Variants in WNT3A observed in about 807,000 individuals in gnomAD.
WNT3A encodes Wnt family member 3A, also known as protein Wnt-3a.
WNT3A carries 17 observed loss-of-function variants against 37.0 expected under a neutral mutation model. That is an observed-to-expected ratio of 0.46 (90% confidence interval 0.31 to 0.69). The LOEUF (loss-of-function observed/expected upper bound fraction) is 0.69, where lower values mean the gene tolerates loss of function less well. Ranked by LOEUF, WNT3A falls within the 30% of genes least tolerant of loss-of-function variation. The pLI, the probability that WNT3A is intolerant of heterozygous loss-of-function variation, is 0.05. For missense variants in WNT3A, 411 were observed against 510.2 expected (o/e 0.81, Z 1.87); for synonymous variants, 187 against 211.0 (o/e 0.89, Z 0.99).
In WNT3A at chr1:228,060,277, C is replaced by T; in HGVS notation, c.*812C>T. On this transcript the variant is annotated 3_prime_UTR_variant, in exon 4 of 4. Coordinates refer to ENST00000284523, the MANE Select transcript of WNT3A (RefSeq NM_033131.4). ...AACCCCCTGTAAGGTTCCATCCACCCCTGCGTCGAGCTGGGAAGGTTCCAT... is the reference window on the plus strand; with the variant it reads ...AACCCCCTGTAAGGTTCCATCCACCTCTGCGTCGAGCTGGGAAGGTTCCAT... The T allele has an allele frequency of 1.5e-6, 2 of 1,351,688 alleles. No individual in the cohort carries two copies. Among genetic ancestry groups the T allele is most frequent in the South Asian group, 1.1e-5 (1 of 88,050 alleles). 83.7% of individuals were successfully genotyped at this position (1,351,688 alleles called of 1,614,324 possible).
intron 1 of WNT3A, among the ~76,000 whole-genome samples, chr1:228,016,022 C>T (rs76677928): frequency 0.08 from 12,193 of 152,194 alleles, 575 homozygotes; most frequent in South Asian, 0.12. Flanking sequence ...CTGTGCCCGT[C>T]ACCTTCTGGG....
chr1:228,055,190 A>ATATG (rs2031658517), intron 3 of WNT3A, among the ~76,000 whole-genome samples: 1 of 49,592 alleles, frequency 2.0e-5, no homozygotes, highest in Non-Finnish European at 4.1e-5. Context: ...ATATATATAT[A>ATATG]TATATATATA....
At chr1:228,018,481 C>T (rs140946069) in intron 1 of WNT3A, among the ~76,000 whole-genome samples, 29 of 151,994 alleles carry the variant, frequency 1.9e-4, no homozygotes, top group Non-Finnish European at 3.4e-4. Context: ...TGGCCTTGTC[C>T]TCCTGGGCTC....
chr1:228,013,303 C>A (rs1361129066), intron 1 of WNT3A, among the ~76,000 whole-genome samples: 1 of 152,210 alleles, frequency 6.6e-6, no homozygotes, highest in Non-Finnish European at 1.5e-5. Context: ...CCACCCCTCA[C>A]TGGTTACAGC....
rs1314877562 is a variant in WNT3A, at chr1:228,031,577, G to A, written c.313+8669G>A. ...TGTCATGTGTGCACATGCATGTGGT[G>A]TGTGGGGTGTGTGCCTGTGCATGTG... On this transcript the variant is annotated intron_variant, in intron 2 of 3. Coordinates refer to ENST00000284523, the MANE Select transcript of WNT3A (RefSeq NM_033131.4). The surrounding 1 kb of genome is among the most constrained non-coding windows in gnomAD (Gnocchi z 4.8). Among the ~76,000 whole-genome samples, 1 of 152,146 alleles carries A rather than the reference G, an allele frequency of 6.6e-6. No homozygotes were observed. The highest frequency in any genetic ancestry group is 1.5e-5 in the Non-Finnish European group (1 of 68,016).
At chr1:228,035,972 C>T (rs926422430) in intron 2 of WNT3A, among the ~76,000 whole-genome samples, 3 of 152,230 alleles carry the variant, frequency 2.0e-5, no homozygotes, top group Non-Finnish European at 4.4e-5. Context: ...GCTCCTCCCT[C>T]CTGCCTGCCA....
chr1:228,038,047 C>G lies in WNT3A; in HGVS notation c.314-12609C>G, dbSNP rs1414646819. On this transcript the variant is annotated intron_variant, in intron 2 of 3. Coordinates refer to ENST00000284523, the MANE Select transcript of WNT3A (RefSeq NM_033131.4). The surrounding 1 kb of genome is among the most constrained non-coding windows in gnomAD (Gnocchi z 5.7). ...GCGCACAAAGCCGGATTCAAGCGCC[C>G]CAGCGGGTCAGCACGGCGCCCGGCC... Among the ~76,000 whole-genome samples the G allele has an allele frequency of 6.6e-6, 1 of 152,046 alleles. No homozygotes were observed. Among genetic ancestry groups the G allele is most frequent in the African/African-American group, 2.4e-5 (1 of 41,430 alleles).
intron 2 of WNT3A, among the ~76,000 whole-genome samples, chr1:228,028,241 T>C: frequency 6.6e-6 from 1 of 152,050 alleles, no homozygotes. Context: ...GTATAATTTG[T>C]TTTTGCTTAG....
Position 228,031,528 on chromosome 1 carries a change from C to T in WNT3A, c.313+8620C>T, listed in dbSNP as rs1025471979. The stretch of plus-strand genomic sequence containing the variant: ...TGCATTGTGTGTATGTGAGTGTGCA[C>T]GTGTGTGGGAATGTGGTGTGATGTG... On this transcript the variant is annotated intron_variant, in intron 2 of 3. Transcript: ENST00000284523. This position sits in a 1 kb window ranked among gnomAD's most constrained non-coding sequence, Gnocchi z 4.8. Among the ~76,000 whole-genome samples, 5 of 151,804 alleles carry T rather than the reference C, an allele frequency of 3.3e-5. No individual in the cohort carries two copies. The highest frequency in any genetic ancestry group is 9.7e-5 in the African/African-American group (4 of 41,290).
Position 228,037,215 on chromosome 1 carries a change from C to T in WNT3A, c.314-13441C>T, listed in dbSNP as rs1306718460. On this transcript the variant is annotated intron_variant, in intron 2 of 3. Coordinates refer to ENST00000284523, the MANE Select transcript of WNT3A (RefSeq NM_033131.4). The surrounding 1 kb of genome is among the most constrained non-coding windows in gnomAD (Gnocchi z 4.1). ...GGCCCTCCCACTCAGCCTTCACACACCACCCCCTCTTCAAGCATTTCCAGT... is the reference window on the plus strand; with the variant it reads ...GGCCCTCCCACTCAGCCTTCACACATCACCCCCTCTTCAAGCATTTCCAGT... Among the ~76,000 whole-genome samples the T allele has an allele frequency of 1.3e-5, 2 of 152,074 alleles. No homozygotes were observed. The highest frequency in any genetic ancestry group is 1.5e-5 in the Non-Finnish European group (1 of 67,982).
Position 228,039,938 on chromosome 1 carries a change from C to A in WNT3A, c.314-10718C>A, listed in dbSNP as rs1181997518. On this transcript the variant is annotated intron_variant, in intron 2 of 3. Transcript: ENST00000284523. The surrounding 1 kb of genome is among the most constrained non-coding windows in gnomAD (Gnocchi z 4.1). ...CAAGTTGTTTGTCCCTCAGAAAAGC[C>A]ACTCAGGAGTCCCCTCTGGACCAAC... Among the ~76,000 whole-genome samples, 1 of 152,178 alleles carries A rather than the reference C, an allele frequency of 6.6e-6. No individual in the cohort carries two copies. The highest frequency in any genetic ancestry group is 6.5e-5 in the Admixed American group (1 of 15,282).
chr1:228,010,282 G>T (rs1305364307), intron 1 of WNT3A, among the ~76,000 whole-genome samples: 3 of 152,192 alleles, frequency 2.0e-5, no homozygotes, highest in Non-Finnish European at 4.4e-5. Flanking sequence ...ACGGAATCTT[G>T]TCATCTCCCC....
chr1:228,046,678 T>C (rs1314613312), intron 2 of WNT3A, among the ~76,000 whole-genome samples: 1 of 151,074 alleles, frequency 6.6e-6, no homozygotes, highest in Non-Finnish European at 1.5e-5. Flanking sequence ...TGTGCATGTA[T>C]GTGAGTGCAT....
At chr1:228,054,892 G>A (rs1157006551) in intron 3 of WNT3A, among the ~76,000 whole-genome samples, 3 of 146,710 alleles carry the variant, frequency 2.0e-5, no homozygotes, top group African/African-American at 7.6e-5. Flanking sequence ...ACGGTGGCTC[G>A]CACCTGTGAT....
intron 2 of WNT3A, 122 bp downstream of exon 2, chr1:228,023,030 G>T: frequency 6.9e-7 from 1 of 1,441,468 alleles, no homozygotes; most frequent in Non-Finnish European, 9.2e-7. Context: ...GGACGCTGGG[G>T]TCCTTCCCGC....
In WNT3A at chr1:228,055,158, C is replaced by CAAAA. The variant is rs34263332; in HGVS notation, c.580-3809_580-3806dup. 8.9e-4 allele frequency among the ~76,000 whole-genome samples: 14 copies of CAAAA among 15,766 alleles called. 2 individuals carry two copies. Among genetic ancestry groups the CAAAA allele is most frequent in the African/African-American group, 3.5e-3 (11 of 3,106 alleles). The allele number at this position is 15,766 out of a possible 152,430, so 10.3% of individuals were successfully genotyped here. ...GGAGTTTTTTTTGGAAACTCCGTCCCAAAAAAAAAAAAAAAAAAAAAATAT... is the reference window on the plus strand; with the variant it reads ...GGAGTTTTTTTTGGAAACTCCGTCCCAAAAAAAAAAAAAAAAAAAAAAAAAATAT... On this transcript the variant is annotated intron_variant, in intron 3 of 3. Transcript: ENST00000284523.
chr1:228,035,427 G>C (rs572226284), intron 2 of WNT3A, among the ~76,000 whole-genome samples: 1 of 152,326 alleles, frequency 6.6e-6, no homozygotes, highest in South Asian at 2.1e-4. Context: ...AGAGCCCTCA[G>C]GCAGGCCCAG....
rs1377062180 is a variant in WNT3A, at chr1:228,038,310, G to T, written c.314-12346G>T. 6.6e-6 allele frequency among the ~76,000 whole-genome samples: 1 copy of T among 152,300 alleles called. No individual in the cohort carries two copies. The highest frequency in any genetic ancestry group is 1.9e-4 in the East Asian group (1 of 5,164). ...GGCTCCGGCGGGGACCGGGGCGCGGGCTGAGTCCCCCTGTGTGCCCCACAG... is the reference window on the plus strand; with the variant it reads ...GGCTCCGGCGGGGACCGGGGCGCGGTCTGAGTCCCCCTGTGTGCCCCACAG... On this transcript the variant is annotated intron_variant, in intron 2 of 3. Coordinates refer to ENST00000284523, the MANE Select transcript of WNT3A (RefSeq NM_033131.4). This position sits in a 1 kb window ranked among gnomAD's most constrained non-coding sequence, Gnocchi z 5.7.
chr1:228,047,650 G>GA (rs1558293635), intron 2 of WNT3A, among the ~76,000 whole-genome samples: 1 of 152,186 alleles, frequency 6.6e-6, no homozygotes, highest in Admixed American at 6.5e-5. Context: ...TAATTTATAA[G>GA]AAAAGATGTT....
Sources: allele counts gnomAD v4.1 joint callset (sites outside exome capture counted in the v4.1 genomes callset), GRCh38; gene constraint gnomAD v4.1.1; non-coding constraint Gnocchi (gnomAD v3.1); transcripts MANE v1.5; gene names NCBI Gene and HGNC (gene_info 2026-07-23, HGNC 2026-07-21).